BPIFB3: variants seen among roughly 807,000 people sequenced by gnomAD.
BPIFB3 encodes the protein BPI fold containing family B member 3, also known as BPI fold-containing family B member 3.
In BPIFB3, 49 loss-of-function variants were observed where a neutral mutation model predicts 53.1. The observed-to-expected ratio is 0.92, with a 90% CI of 0.73 to 1.17. The LOEUF (loss-of-function observed/expected upper bound fraction) is 1.17. Among genes scored for constraint, BPIFB3 ranks in the 50% most tolerant of loss-of-function variants. BPIFB3 has a pLI of 0.00. For missense variants in BPIFB3, 628 were observed against 592.5 expected (o/e 1.06, Z -0.62); for synonymous variants, 271 against 269.6 (o/e 1.01, Z -0.05).
intron 13 of BPIFB3, 124 bp downstream of exon 14, chr20:33,072,291 G>A (rs1980937939): frequency 1.0e-5 from 11 of 1,062,360 alleles, no homozygotes; most frequent in African/African-American, 1.6e-5. Context: ...ATCCTCATTT[G>A]CAAGATGCAG....
intron 9 of BPIFB3, among the ~76,000 whole-genome samples, chr20:33,068,471 G>A (rs938440462): frequency 5.3e-5 from 8 of 152,232 alleles, no homozygotes; most frequent in Non-Finnish European, 2.9e-5. Context: ...CACGTGGCCA[G>A]TGAGTCTGGA....
chr20:33,054,555 C>G (rs759285795), upstream of BPIFB3, among the ~76,000 whole-genome samples: 18 of 152,254 alleles, frequency 1.2e-4, no homozygotes, highest in Non-Finnish European at 2.1e-4. Flanking sequence ...CAGGGAGGAG[C>G]CTTCCTAACA....
At chr20:33,059,991 C>T (rs772111950) in exon 4 of BPIFB3, 24 of 1,614,034 alleles carry the variant, frequency 1.5e-5, no homozygotes, top group African/African-American at 5.3e-5. Context: ...TATCCTCAAG[C>T]GCTGCAGCAC....
chr20:33,059,938 C>T (rs754702513), exon 4 of BPIFB3: 10 of 1,614,140 alleles, frequency 6.2e-6, no homozygotes, highest in Non-Finnish European at 8.5e-6. Flanking sequence ...AACGTGACAT[C>T]GCGGGTGGCG....
chr20:33,064,144 A>G (rs1339132388), intron 6 of BPIFB3, among the ~76,000 whole-genome samples: 1 of 152,230 alleles, frequency 6.6e-6, no homozygotes, highest in Non-Finnish European at 1.5e-5. Context: ...GGAAAAGAAT[A>G]GAAAACTTGG....
rs374762335 is a variant in BPIFB3 at position 33,071,277 on chromosome 20, C to T, written c.1242C>T (p.Ser414=). 60 of 1,565,324 alleles carry T rather than the reference C, an allele frequency of 3.8e-5. No individual in the cohort carries two copies. In the African/African-American group the frequency reaches 7.3e-4, roughly 19 times the overall value. Residue 414 remains serine, a synonymous_variant, in exon 12 of 15, where the codon TCC becomes TCT. Coordinates refer to ENST00000375494, the Ensembl canonical transcript of BPIFB3. Reference sequence around the variant, plus strand: ...GGCTCAGTGTCAAGGTGGCCTCCTCCTTTACCCATGCCTTTGACGTAAGTT... The same window carrying T: ...GGCTCAGTGTCAAGGTGGCCTCCTCTTTTACCCATGCCTTTGACGTAAGTT...
chr20:33,061,779 C>T (rs1459824170), exon 5 of BPIFB3: 1 of 1,614,216 alleles, frequency 6.2e-7, no homozygotes, highest in East Asian at 2.2e-5. Flanking sequence ...CTGCTGCCCA[C>T]ACCACTCTTT....
exon 1 of BPIFB3, chr20:33,055,525 T>C (rs942385272): frequency 1.2e-6 from 2 of 1,613,600 alleles, no homozygotes; most frequent in African/African-American, 1.3e-5. Flanking sequence ...TCGCTCGGAT[T>C]GACAAGGATG....
At position 33,069,962 on chromosome 20, in the gene BPIFB3, T is replaced by G; in HGVS notation, c.1217+7T>G. Reference sequence around the variant, plus strand: ...TCTCCCTGTCCCTGGAACGGTAACTTGGGATCCTGGGGACAGGATCTTGTT... The same window carrying G: ...TCTCCCTGTCCCTGGAACGGTAACTGGGGATCCTGGGGACAGGATCTTGTT... On this transcript the variant is annotated splice_region_variant and intron_variant, in intron 11 of 14. Coordinates refer to ENST00000375494, the Ensembl canonical transcript of BPIFB3. The G allele has an allele frequency of 6.2e-7, 1 of 1,614,086 alleles. No individual in the cohort carries two copies. Among genetic ancestry groups the G allele is most frequent in the Non-Finnish European group, 8.5e-7 (1 of 1,179,914 alleles).
In BPIFB3 at chr20:33,067,380, C is replaced by G. The variant is rs181952460; in HGVS notation, c.978+503C>G. 1.9e-3 allele frequency among the ~76,000 whole-genome samples: 283 copies of G among 152,262 alleles called. 1 individual carries two copies. The highest frequency in any genetic ancestry group is 3.0e-3 in the Non-Finnish European group (203 of 68,026). ...CTTTCCAGCTGTGAGAACTGGAATT[C>G]GTACTGAAGTTAAAATGTCTACTAC... is the stretch of plus-strand genomic sequence containing the variant. On this transcript the variant is annotated intron_variant, in intron 9 of 14. Transcript: ENST00000375494.
At chr20:33,065,232 G>A (rs1272416776) in intron 8 of BPIFB3, among the ~76,000 whole-genome samples, 5 of 152,176 alleles carry the variant, frequency 3.3e-5, no homozygotes, top group Admixed American at 2.6e-4. Flanking sequence ...TTTCTCAAGA[G>A]CAGATTTGAG....
intron 11 of BPIFB3, 125 bp downstream of exon 12, chr20:33,070,080 C>A: frequency 8.7e-7 from 1 of 1,143,206 alleles, no homozygotes; most frequent in South Asian, 1.3e-5. Context: ...CAGCATCCTC[C>A]TTGCCTTCAG....
intron 13 of BPIFB3, among the ~76,000 whole-genome samples, 197 bp downstream of exon 14, chr20:33,072,364 A>G (rs1980940456): frequency 6.6e-6 from 1 of 152,160 alleles, no homozygotes; most frequent in Non-Finnish European, 1.5e-5. Flanking sequence ...TTGCCAGCCT[A>G]TGGACTTCAA....
exon 14 of BPIFB3, chr20:33,072,787 C>T (rs201462422): frequency 2.7e-5 from 44 of 1,612,516 alleles, no homozygotes; most frequent in Middle Eastern, 1.6e-4. Flanking sequence ...TTCTGGAGAT[C>T]GTAGAGGTGA....
At chr20:33,064,837 C>T (rs768724368) in exon 8 of BPIFB3, 2 of 1,612,452 alleles carry the variant, frequency 1.2e-6, no homozygotes, top group South Asian at 1.1e-5. Flanking sequence ...GGACATCACC[C>T]CTGAGCTGGT....
At chr20:33,073,439 A>T in intron 14 of BPIFB3, 137 bp from the exon 16 acceptor site, 6 of 810,698 alleles carry the variant, frequency 7.4e-6, no homozygotes, top group Admixed American at 2.6e-5. Flanking sequence ...TTTTTTCATC[A>T]TTCATTTATT....
intron 14 of BPIFB3, among the ~76,000 whole-genome samples, chr20:33,073,249 T>C (rs1004185738): frequency 5.3e-5 from 8 of 152,162 alleles, no homozygotes; most frequent in African/African-American, 1.7e-4. Flanking sequence ...CTTTGGGTGG[T>C]GGAATAGCTC....
At chr20:33,068,955 C>T (rs754834354) in exon 10 of BPIFB3, 4 of 1,613,524 alleles carry the variant, frequency 2.5e-6, no homozygotes, top group African/African-American at 1.3e-5. Flanking sequence ...CCCCTGAATC[C>T]CTCTTTGAGC....
chr20:33,069,948 C>A lies in BPIFB3; in HGVS notation c.1210C>A (p.Leu404Met), dbSNP rs772326723. The change falls in exon 11 of 15, where the codon CTG (leucine) becomes ATG (methionine). Residue 404 changes from leucine (L) to methionine (M), a missense_variant. Physicochemically the swap from Leu to Met is conservative, Grantham distance 15. Coordinates refer to ENST00000375494, the Ensembl canonical transcript of BPIFB3. ...TACCAAGCTGCACATCTCCCTGTCC[C>A]TGGAACGGTAACTTGGGATCCTGGG... 6 of 1,614,208 alleles carry A rather than the reference C, an allele frequency of 3.7e-6. No homozygotes were observed. The South Asian group carries it at 5.5e-5, about 15-fold the overall frequency.
Sources: gnomAD v4.1 joint callset for allele counts (sites outside exome capture counted in the v4.1 genomes callset) on GRCh38, gnomAD v4.1.1 for gene constraint, MANE v1.5 for transcripts, NCBI Gene and HGNC (gene_info 2026-07-23, HGNC 2026-07-21) for gene names.